RFX7: variants seen among roughly 807,000 people sequenced by gnomAD.
The protein encoded by RFX7 is DNA-binding protein RFX7.
A neutral mutation model predicts 111.8 loss-of-function variants in RFX7; 26 were observed. That is an observed-to-expected ratio of 0.23 (90% CI 0.17 to 0.32). The LOEUF is 0.32. Ranked by LOEUF, RFX7 falls within the 10% of genes least tolerant of loss-of-function variation. RFX7 has a pLI of 1.00. For synonymous variants in RFX7, 624 were observed against 624.4 expected, an observed-to-expected ratio of 1.00 and a Z score of 0.01; for missense variants, 1,573 against 1,772.9, an observed-to-expected ratio of 0.89 and a Z score of 2.02.
intron 2 of RFX7, among the ~76,000 whole-genome samples, chr15:56,233,773 C>A (rs1018549774): frequency 1.3e-5 from 2 of 152,136 alleles, no homozygotes; most frequent in Admixed American, 1.3e-4. Context: ...TTGGTTGTGG[C>A]AACCTGTACT....
intron 2 of RFX7, among the ~76,000 whole-genome samples, chr15:56,233,804 C>A (rs1221985377): frequency 6.6e-6 from 1 of 152,032 alleles, no homozygotes; most frequent in Non-Finnish European, 1.5e-5. Flanking sequence ...GCTCCAGTTC[C>A]CACCCAGCTC....
Position 56,096,463 on chromosome 15 carries a change from T to A in RFX7, c.1265A>T (p.Asp422Val). The change falls in exon 10 of 10, where the codon GAT (aspartate) becomes GTT (valine). Residue 422 changes from aspartate to valine, a missense_variant. Asp to Val is a radical substitution (Grantham distance 152, BLOSUM62 -3). Around this residue, in one of 7 missense-constraint regions of RFX7, gnomAD observed 288 missense variants for 337.9 expected, o/e 0.85. Coordinates refer to ENST00000559447, the MANE Select transcript of RFX7 (RefSeq NM_022841.7). ...PQNVPASPGG[D>V]RSARHRYPQI... is the part of the protein sequence containing the mutation. The stretch of plus-strand genomic sequence containing the variant: ...AGGGTAACGGTGCCGGGCAGAACGA[T>A]CCCCACCAGGACTGGCTGGAACGTT... The A allele has an allele frequency of 6.2e-7, 1 of 1,612,050 alleles. No homozygotes were observed. The highest frequency in any genetic ancestry group is 8.5e-7 in the Non-Finnish European group (1 of 1,179,014).
In RFX7 at chr15:56,183,511, T is replaced by C. The variant is rs141778795; in HGVS notation, c.162-4208A>G. Among the ~76,000 whole-genome samples, 1,155 of 152,288 alleles carry C rather than the reference T, an allele frequency of 7.6e-3. 14 individuals are homozygous for C. The highest frequency in any genetic ancestry group is 0.027 in the African/African-American group (1,120 of 41,552). On this transcript the variant is annotated intron_variant, in intron 2 of 9. Transcript: ENST00000559447. ...TGGGAGCCCATTCACTATTTTATTA[T>C]ACTAAATTTCTGTACACGCTTGAAT... is the stretch of plus-strand genomic sequence containing the variant.
intron 5 of RFX7, among the ~76,000 whole-genome samples, chr15:56,109,472 T>G (rs1203810495): frequency 6.6e-6 from 1 of 152,138 alleles, no homozygotes; most frequent in Non-Finnish European, 1.5e-5. Context: ...CGCCACCCGG[T>G]CTGGGAGGTG....
chr15:56,229,613 G>A (rs757679619), intron 2 of RFX7, among the ~76,000 whole-genome samples: 8 of 152,068 alleles, frequency 5.3e-5, no homozygotes, highest in African/African-American at 9.7e-5. Flanking sequence ...AGAATCTCCC[G>A]GAAGACTCGT....
chr15:56,118,512 A>G (rs1007507058), intron 5 of RFX7, among the ~76,000 whole-genome samples: 3 of 152,194 alleles, frequency 2.0e-5, no homozygotes, highest in African/African-American at 7.2e-5. Flanking sequence ...TGTGATTGCA[A>G]ATGATACGAT....
At position 56,089,750 on chromosome 15, in the gene RFX7, C is replaced by A. The variant is rs2041572939; in HGVS notation, c.*3595G>T. The A allele has an allele frequency of 6.6e-6, 1 of 151,906 alleles. No homozygotes were observed. The highest frequency in any genetic ancestry group is 2.4e-5 in the African/African-American group (1 of 41,342). The allele number at this position is 151,906 out of a possible 1,614,324, so 9.4% of individuals were successfully genotyped here. A position where few individuals can be genotyped will look rare whatever the true frequency, so the allele number is the denominator to read the frequency against. ...TCTTCAAGTACTTTTGAATTTTGATCTGCAGGCTCAGCTTTCATGGGAGCC... is the reference window on the plus strand; with the variant it reads ...TCTTCAAGTACTTTTGAATTTTGATATGCAGGCTCAGCTTTCATGGGAGCC... On this transcript the variant is annotated 3_prime_UTR_variant, in exon 10 of 10. Transcript: ENST00000559447.
intron 2 of RFX7, among the ~76,000 whole-genome samples, chr15:56,213,105 T>C (rs557476790): frequency 4.6e-5 from 7 of 152,318 alleles, no homozygotes; most frequent in Non-Finnish European, 7.4e-5. Flanking sequence ...TGGAAAAGTT[T>C]TGCTATCCTT....
chr15:56,180,211 T>TA (rs1237233871), intron 2 of RFX7, among the ~76,000 whole-genome samples: 1 of 151,984 alleles, frequency 6.6e-6, no homozygotes, highest in South Asian at 2.1e-4. Flanking sequence ...AGCTATAATA[T>TA]AAAAAAAATT....
intron 2 of RFX7, among the ~76,000 whole-genome samples, chr15:56,180,911 C>G: frequency 6.6e-6 from 1 of 151,876 alleles, no homozygotes; most frequent in East Asian, 1.9e-4. Context: ...AGCAAGACTC[C>G]GTCTCCAAAA....
intron 2 of RFX7, among the ~76,000 whole-genome samples, chr15:56,234,055 T>C (rs1420756826): frequency 6.6e-6 from 1 of 152,228 alleles, no homozygotes; most frequent in African/African-American, 2.4e-5. Context: ...TTAAGTGTGT[T>C]TGGATTTATA....
intron 5 of RFX7, among the ~76,000 whole-genome samples, chr15:56,124,692 T>G (rs2042120676): frequency 6.6e-6 from 1 of 152,226 alleles, no homozygotes; most frequent in Non-Finnish European, 1.5e-5. Context: ...TTTGCCCATT[T>G]AACAATCAGA....
intron 5 of RFX7, among the ~76,000 whole-genome samples, chr15:56,129,130 C>G (rs1157963038): frequency 2.0e-5 from 3 of 152,100 alleles, no homozygotes; most frequent in South Asian, 4.1e-4. Context: ...AATCCCAACA[C>G]TTTGGGAGGC....
intron 5 of RFX7, among the ~76,000 whole-genome samples, chr15:56,104,089 A>G (rs1383177979): frequency 1.3e-5 from 2 of 152,176 alleles, no homozygotes; most frequent in African/African-American, 4.8e-5. Flanking sequence ...GGTGGTTTAA[A>G]ATTTAGAAAC....
intron 5 of RFX7, among the ~76,000 whole-genome samples, chr15:56,113,852 A>G (rs989307779): frequency 4.6e-5 from 7 of 152,212 alleles, no homozygotes; most frequent in African/African-American, 1.7e-4. Context: ...ATAAATGACA[A>G]TAAAGGATAT....
At chr15:56,216,847 G>A (rs1330691803) in intron 2 of RFX7, among the ~76,000 whole-genome samples, 1 of 151,560 alleles carries the variant, frequency 6.6e-6, no homozygotes, top group South Asian at 2.1e-4. Context: ...AATATAGATA[G>A]GGTCTCGCTA....
chr15:56,153,820 G>C (rs527569168), intron 3 of RFX7, among the ~76,000 whole-genome samples: 2 of 152,070 alleles, frequency 1.3e-5, no homozygotes, highest in Non-Finnish European at 2.9e-5. Context: ...AAGCATAAAG[G>C]GTATTCAAAT....
chr15:56,107,997 C>G (rs1431820643), intron 5 of RFX7, among the ~76,000 whole-genome samples: 2 of 152,172 alleles, frequency 1.3e-5, no homozygotes, highest in Non-Finnish European at 2.9e-5. Context: ...CCTCCCAAGA[C>G]TAAACCAGGA....
intron 5 of RFX7, among the ~76,000 whole-genome samples, chr15:56,120,041 C>T (rs2042056970): frequency 6.6e-6 from 1 of 152,032 alleles, no homozygotes; most frequent in Non-Finnish European, 1.5e-5. Context: ...TATTTCTGTG[C>T]AGAATGTCAT....
Sources: allele counts gnomAD v4.1 joint callset (sites outside exome capture counted in the v4.1 genomes callset), GRCh38; gene constraint gnomAD v4.1.1; regional missense constraint gnomAD v4.1.1; transcripts MANE v1.5; gene names NCBI Gene and HGNC (gene_info 2026-07-23, HGNC 2026-07-21).